Variants in TTC39C observed in about 807,000 individuals in gnomAD.
TTC39C encodes the protein tetratricopeptide repeat domain 39C, also known as tetratricopeptide repeat protein 39C.
In TTC39C, 33 loss-of-function variants were observed where a neutral mutation model predicts 76.3. That is an observed-to-expected ratio of 0.43 (90% CI 0.33 to 0.58). TTC39C has a LOEUF of 0.58. Among genes scored for constraint, TTC39C ranks in the 20% least tolerant of loss-of-function variants. TTC39C has a pLI of 0.04. For synonymous variants in TTC39C, 254 were observed against 260.6 expected (o/e 0.97, Z 0.24); for missense variants, 595 against 701.4 (o/e 0.85, Z 1.71).
chr18:24,017,461 A>T (rs2083467069), intron 1 of TTC39C, among the ~76,000 whole-genome samples: 1 of 152,222 alleles, frequency 6.6e-6, no homozygotes, highest in African/African-American at 2.4e-5. Context: ...ACTAAGTGTA[A>T]GCACTCAATA....
intron 1 of TTC39C, among the ~76,000 whole-genome samples, chr18:24,033,767 G>A (rs185025927): frequency 8.4e-4 from 128 of 152,308 alleles, no homozygotes; most frequent in Non-Finnish European, 1.5e-3. Flanking sequence ...GTAGCCAATC[G>A]TGTGACTTCT....
chr18:24,074,943 CAT>C (rs1363649762), intron 4 of TTC39C, among the ~76,000 whole-genome samples: 1 of 152,090 alleles, frequency 6.6e-6, no homozygotes, highest in Admixed American at 6.5e-5. Flanking sequence ...AAATGTGGCA[CAT>C]ATACACCATG....
chr18:24,106,726 C>G (rs1263512162), intron 6 of TTC39C, among the ~76,000 whole-genome samples: 1 of 152,234 alleles, frequency 6.6e-6, no homozygotes, highest in African/African-American at 2.4e-5. Context: ...GAGTCTGGCT[C>G]TGTCACCCAG....
intron 4 of TTC39C, 128 bp downstream of exon 4, chr18:24,069,399 AT>A: frequency 1.4e-6 from 1 of 737,108 alleles, no homozygotes; most frequent in Non-Finnish European, 2.2e-6. Context: ...CATGATACTG[AT>A]TTATTACTGG....
chr18:24,086,768 C>T (rs1414690751), intron 6 of TTC39C, among the ~76,000 whole-genome samples: 1 of 152,196 alleles, frequency 6.6e-6, no homozygotes, highest in African/African-American at 2.4e-5. Context: ...TGACTCCTCC[C>T]ATGTGACTTA....
chr18:23,996,733 C>T (rs1010304484), intron 1 of TTC39C, among the ~76,000 whole-genome samples: 1 of 152,210 alleles, frequency 6.6e-6, no homozygotes, highest in African/African-American at 2.4e-5. Context: ...TTTCCACACA[C>T]TCAAAAATTT....
chr18:24,121,364 G>C (rs571784625), intron 8 of TTC39C, among the ~76,000 whole-genome samples: 1 of 152,024 alleles, frequency 6.6e-6, no homozygotes, highest in South Asian at 2.1e-4. Flanking sequence ...CCTGAGGTCG[G>C]GAGTTCGAGA....
At chr18:24,111,372 C>T (rs1344896315) in intron 6 of TTC39C, among the ~76,000 whole-genome samples, 1 of 151,922 alleles carries the variant, frequency 6.6e-6, no homozygotes, top group Non-Finnish European at 1.5e-5. Context: ...AGTTCGAGAC[C>T]AGCCTGGTCA....
chr18:24,080,169 A>G (rs1376909875), intron 4 of TTC39C, among the ~76,000 whole-genome samples: 1 of 152,230 alleles, frequency 6.6e-6, no homozygotes, highest in Non-Finnish European at 1.5e-5. Context: ...AATGTAACAC[A>G]GGGTAGACAA....
chr18:24,120,443 C>T (rs1379266590), intron 8 of TTC39C, among the ~76,000 whole-genome samples: 1 of 152,216 alleles, frequency 6.6e-6, no homozygotes, highest in African/African-American at 2.4e-5. Context: ...AGGGCATGGG[C>T]ATTCAGGGAC....
chr18:24,034,560 C>T (rs1053516347), intron 1 of TTC39C, among the ~76,000 whole-genome samples: 1 of 152,152 alleles, frequency 6.6e-6, no homozygotes. Flanking sequence ...GCATTAAGTA[C>T]AGCCATCACC....
At chr18:23,999,222 G>A (rs1402208882) in intron 1 of TTC39C, among the ~76,000 whole-genome samples, 2 of 152,106 alleles carry the variant, frequency 1.3e-5, no homozygotes, top group Non-Finnish European at 2.9e-5. Context: ...CTAGCCTTCC[G>A]GGTTTCCATA....
At chr18:23,998,420 G>A (rs915131028) in intron 1 of TTC39C, among the ~76,000 whole-genome samples, 10 of 152,212 alleles carry the variant, frequency 6.6e-5, no homozygotes, top group Admixed American at 2.6e-4. Flanking sequence ...GGCCATCCTG[G>A]CCAACATGGT....
chr18:24,077,723 T>C (rs143819170), intron 4 of TTC39C, among the ~76,000 whole-genome samples: 115 of 152,338 alleles, frequency 7.5e-4, no homozygotes, highest in African/African-American at 2.5e-3. Flanking sequence ...GATTATTTGT[T>C]TTCAATTAGA....
chr18:24,044,927 T>A (rs574581726), intron 1 of TTC39C, among the ~76,000 whole-genome samples: 1 of 152,098 alleles, frequency 6.6e-6, no homozygotes, highest in East Asian at 1.9e-4. Flanking sequence ...AGTCTAAGTG[T>A]GCTTTGGAGA....
chr18:24,036,951 A>G lies in TTC39C; in HGVS notation c.167+21913A>G, dbSNP rs569277299. Among the ~76,000 whole-genome samples, 30 of 152,272 alleles carry G rather than the reference A, an allele frequency of 2.0e-4. No individual in the cohort carries two copies. In the South Asian group the frequency reaches 6.0e-3, roughly 31 times the overall value. Reference sequence around the variant, plus strand: ...CCTGGCCATTTTTAGGGTTTCTTACATCTAAGATCATGTCATCTGTAAACA... The same window carrying G: ...CCTGGCCATTTTTAGGGTTTCTTACGTCTAAGATCATGTCATCTGTAAACA... On this transcript the variant is annotated intron_variant, in intron 1 of 13. Coordinates refer to ENST00000317571, the MANE Select transcript of TTC39C (RefSeq NM_001135993.2).
chr18:24,044,988 G>A (rs765247747), intron 1 of TTC39C, among the ~76,000 whole-genome samples: 6 of 152,078 alleles, frequency 3.9e-5, no homozygotes, highest in Non-Finnish European at 7.4e-5. Context: ...GAGTCTCCGG[G>A]CCAGGTGCGG....
At chr18:24,006,652 C>T (rs2083355258) in intron 1 of TTC39C, among the ~76,000 whole-genome samples, 1 of 152,092 alleles carries the variant, frequency 6.6e-6, no homozygotes, top group Admixed American at 6.5e-5. Flanking sequence ...AGGCGATCTA[C>T]TGTGGCCCAT....
intron 5 of TTC39C, among the ~76,000 whole-genome samples, chr18:24,082,507 AAAAT>A (rs2084389761): frequency 6.6e-6 from 1 of 152,192 alleles, no homozygotes; most frequent in East Asian, 1.9e-4. Flanking sequence ...CCTTTTGCCA[AAAAT>A]AAATAAATAA....
Sources: gnomAD v4.1 joint callset for allele counts (sites outside exome capture counted in the v4.1 genomes callset) on GRCh38, gnomAD v4.1.1 for gene constraint, MANE v1.5 for transcripts, NCBI Gene and HGNC (gene_info 2026-07-23, HGNC 2026-07-21) for gene names.